Variants in TSPAN9 observed in about 807,000 individuals in gnomAD.
TSPAN9 encodes tetraspanin-9.
A neutral mutation model predicts 31.0 loss-of-function variants in TSPAN9; 16 were observed. That is an observed-to-expected ratio of 0.52 (90% CI 0.35 to 0.78). The LOEUF (loss-of-function observed/expected upper bound fraction) is 0.78. TSPAN9 is among the 30% of genes least tolerant of loss of function. The pLI, the probability that TSPAN9 is intolerant of heterozygous loss-of-function variation, is 0.01. For missense variants in TSPAN9, 272 were observed against 312.5 expected (o/e 0.87, Z 0.98); for synonymous variants, 145 against 121.6 (o/e 1.19, Z -1.27).
chr12:3,198,542 G>T (rs1269553480), intron 2 of TSPAN9, among the ~76,000 whole-genome samples: 2 of 110,224 alleles, frequency 1.8e-5, no homozygotes, highest in Non-Finnish European at 3.6e-5. Flanking sequence ...GCCACCACCA[G>T]CACAGGCCAC....
At chr12:3,212,231 A>G (rs1214626149) in intron 3 of TSPAN9, among the ~76,000 whole-genome samples, 1 of 152,086 alleles carries the variant, frequency 6.6e-6, no homozygotes, top group Non-Finnish European at 1.5e-5. Flanking sequence ...CGGCCTCCCA[A>G]AGTGCTGGGA....
chr12:3,124,014 T>G (rs1457412385), intron 2 of TSPAN9, among the ~76,000 whole-genome samples: 1 of 152,240 alleles, frequency 6.6e-6, no homozygotes, highest in African/African-American at 2.4e-5. Flanking sequence ...CTGCCTCTGA[T>G]GTAAGATACA....
At chr12:3,090,286 C>G (rs1224940425) in intron 2 of TSPAN9, among the ~76,000 whole-genome samples, 1 of 152,164 alleles carries the variant, frequency 6.6e-6, no homozygotes, top group Non-Finnish European at 1.5e-5. Flanking sequence ...CTGCATAGAC[C>G]ACCCCAAAAT....
intron 3 of TSPAN9, among the ~76,000 whole-genome samples, chr12:3,225,129 G>A (rs947406265): frequency 6.6e-6 from 1 of 152,166 alleles, no homozygotes; most frequent in Non-Finnish European, 1.5e-5. Flanking sequence ...CCTGTGGTCC[G>A]AGCTGGGTTG....
At position 3,077,468 on chromosome 12, in the gene TSPAN9, G is replaced by A. The variant is rs959471383; in HGVS notation, c.-85+15G>A. 18 of 152,620 alleles carry A rather than the reference G, an allele frequency of 1.2e-4. No individual in the cohort carries two copies. The highest frequency in any genetic ancestry group is 4.4e-4 in the African/African-American group (18 of 41,322). 9.5% of individuals were successfully genotyped at this position (152,620 alleles called of 1,614,324 possible). Reference sequence around the variant, plus strand: ...CTGCGGGCGCGGTGAGTGCGGCCCGGGCGGCGGGCGGCGAGGCGGGTCTCG... The same window carrying A: ...CTGCGGGCGCGGTGAGTGCGGCCCGAGCGGCGGGCGGCGAGGCGGGTCTCG... On this transcript the variant is annotated intron_variant, in intron 1 of 8. Coordinates refer to ENST00000011898, the MANE Select transcript of TSPAN9 (RefSeq NM_006675.5).
chr12:3,109,299 T>TGTGTGTGTGAGAGA (rs1274383200), intron 2 of TSPAN9, among the ~76,000 whole-genome samples: 10 of 118,294 alleles, frequency 8.5e-5, no homozygotes, highest in African/African-American at 4.6e-4. Flanking sequence ...TGTGTGTGTG[T>TGTGTGTGTGAGAGA]GAGAGAGAGT....
chr12:3,098,536 T>C (rs1465402435), intron 2 of TSPAN9, among the ~76,000 whole-genome samples: 3 of 152,184 alleles, frequency 2.0e-5, no homozygotes, highest in Non-Finnish European at 4.4e-5. Context: ...AGTGACTGCC[T>C]GAGACCCACA....
At chr12:3,077,504 G>T (rs972926620) in intron 1 of TSPAN9, 51 bp downstream of exon 1, 1 of 152,356 alleles carries the variant, frequency 6.6e-6, no homozygotes, top group Non-Finnish European at 1.5e-5. Context: ...AGAGCGTGCG[G>T]AGTCGCGCGG....
At chr12:3,245,234 A>G (rs1348518383) in intron 3 of TSPAN9, among the ~76,000 whole-genome samples, 1 of 152,110 alleles carries the variant, frequency 6.6e-6, no homozygotes, top group Admixed American at 6.5e-5. Flanking sequence ...CGTTTCTTGC[A>G]CCTGCCAGCC....
chr12:3,084,532 A>T (rs1591619310), intron 2 of TSPAN9, among the ~76,000 whole-genome samples: 1 of 151,942 alleles, frequency 6.6e-6, no homozygotes, highest in African/African-American at 2.4e-5. Context: ...TCCAGCAGGG[A>T]TTATTTGGTG....
At chr12:3,254,602 T>C (rs978559864) in intron 3 of TSPAN9, among the ~76,000 whole-genome samples, 27 of 152,256 alleles carry the variant, frequency 1.8e-4, no homozygotes, top group Non-Finnish European at 7.3e-5. Context: ...TCCAGCCCTG[T>C]AGAACGTTCA....
chr12:3,207,751 C>T (rs538977478), intron 3 of TSPAN9, among the ~76,000 whole-genome samples: 5 of 152,026 alleles, frequency 3.3e-5, no homozygotes, highest in Admixed American at 2.6e-4. Context: ...GTCAGGACCA[C>T]GCAGAGAGGC....
intron 3 of TSPAN9, among the ~76,000 whole-genome samples, chr12:3,273,702 C>G (rs961222222): frequency 4.6e-5 from 7 of 152,200 alleles, no homozygotes; most frequent in Non-Finnish European, 1.0e-4. Context: ...TGCCCTGCAC[C>G]TCCCTCTCCT....
At chr12:3,221,362 T>C (rs201240361) in intron 3 of TSPAN9, among the ~76,000 whole-genome samples, 18 of 130,070 alleles carry the variant, frequency 1.4e-4, no homozygotes, top group African/African-American at 1.2e-4. Context: ...ATTTTTCTCT[T>C]TTTTTTTTTT....
At chr12:3,165,989 CAG>C (rs1306772958) in intron 2 of TSPAN9, among the ~76,000 whole-genome samples, 2 of 152,120 alleles carry the variant, frequency 1.3e-5, no homozygotes. Context: ...GTCGGTCTAA[CAG>C]GGCCATGGAG....
At chr12:3,122,845 G>A (rs1253178968) in intron 2 of TSPAN9, among the ~76,000 whole-genome samples, 12 of 152,148 alleles carry the variant, frequency 7.9e-5, no homozygotes, top group African/African-American at 2.7e-4. Flanking sequence ...CTATTTACTG[G>A]CAGGTTGAAA....
intron 2 of TSPAN9, among the ~76,000 whole-genome samples, chr12:3,109,094 C>G (rs544613713): frequency 6.6e-6 from 1 of 152,090 alleles, no homozygotes; most frequent in Non-Finnish European, 1.5e-5. Context: ...CGCCACCACG[C>G]CCGGCTAATT....
chr12:3,175,577 A>C (rs2098355088), intron 2 of TSPAN9, among the ~76,000 whole-genome samples: 1 of 151,984 alleles, frequency 6.6e-6, no homozygotes, highest in African/African-American at 2.4e-5. Flanking sequence ...TGCTCACGGG[A>C]GCCCAGAGCA....
intron 2 of TSPAN9, among the ~76,000 whole-genome samples, chr12:3,144,070 T>C (rs1404380338): frequency 6.6e-6 from 1 of 151,850 alleles, no homozygotes; most frequent in Non-Finnish European, 1.5e-5. Flanking sequence ...AAATCACGAG[T>C]GTGTGCTGAT....
Sources: gnomAD v4.1 joint callset for allele counts (sites outside exome capture counted in the v4.1 genomes callset) on GRCh38, gnomAD v4.1.1 for gene constraint, MANE v1.5 for transcripts, NCBI Gene and HGNC (gene_info 2026-07-23, HGNC 2026-07-21) for gene names.